The following RGS7 variants were observed in gnomAD, a reference collection of about 807,000 sequenced individuals.
The protein encoded by RGS7 is regulator of G-protein signaling 7.
RGS7 carries 27 observed loss-of-function variants against 81.1 expected under a neutral mutation model. The observed-to-expected ratio is 0.33, with a 90% CI of 0.25 to 0.46. RGS7 has a LOEUF of 0.46. Among genes scored for constraint, RGS7 ranks in the 20% least tolerant of loss-of-function variants. The probability of loss-of-function intolerance (pLI) is 1.00; values close to 1 mark genes in which losing one functional copy is unlikely to be tolerated. For synonymous variants in RGS7, 208 were observed against 207.7 expected (o/e 1.00, Z -0.01); for missense variants, 396 against 607.4 (o/e 0.65, Z 3.66).
chr1:241,068,439 G>A (rs1011207712), intron 3 of RGS7, among the ~76,000 whole-genome samples: 10 of 151,368 alleles, frequency 6.6e-5, no homozygotes, highest in African/African-American at 2.4e-4. Flanking sequence ...TCTTCTATCA[G>A]CAGTCAGGTA....
intron 4 of RGS7, among the ~76,000 whole-genome samples, chr1:240,947,077 C>G (rs760230697): frequency 9.2e-5 from 14 of 152,058 alleles, no homozygotes; most frequent in Non-Finnish European, 1.6e-4. Flanking sequence ...ATGTCTGGAG[C>G]CTCAGTGGAT....
rs1301574994 is a variant in RGS7 at position 241,163,788 on chromosome 1, A to T, written c.79-65026T>A. On this transcript the variant is annotated intron_variant, in intron 2 of 18. Coordinates refer to ENST00000440928, the MANE Select transcript of RGS7 (RefSeq NM_001364886.1). This position sits in a 1 kb window ranked among gnomAD's most constrained non-coding sequence, Gnocchi z 4.6. ...TCCCCCATGCACATGTTATCTATGA[A>T]CAGAAGGACAAGTTAGTTACCCTCT... Among the ~76,000 whole-genome samples the T allele has an allele frequency of 6.7e-6, 1 of 148,874 alleles. No individual in the cohort carries two copies. The highest frequency in any genetic ancestry group is 1.5e-5 in the Non-Finnish European group (1 of 67,986).
chr1:240,820,388 C>T (rs554713831), intron 10 of RGS7, among the ~76,000 whole-genome samples: 1 of 152,220 alleles, frequency 6.6e-6, no homozygotes, highest in African/African-American at 2.4e-5. Context: ...ATAGATTCGG[C>T]CTCCTACATA....
chr1:241,327,088 A>AG (rs577804423), intron 2 of RGS7, among the ~76,000 whole-genome samples: 1 of 39,814 alleles, frequency 2.5e-5, no homozygotes, highest in African/African-American at 1.2e-4. Flanking sequence ...AAGAGAAAGA[A>AG]AGAAAGAAAG....
At chr1:240,835,958 C>T (rs367967862) in intron 9 of RGS7, among the ~76,000 whole-genome samples, 8 of 151,938 alleles carry the variant, frequency 5.3e-5, no homozygotes, top group Admixed American at 6.6e-5. Flanking sequence ...AGGCCCAGCA[C>T]GGAGAAATTT....
chr1:241,058,927 T>C (rs1269797617), intron 3 of RGS7, among the ~76,000 whole-genome samples: 1 of 152,224 alleles, frequency 6.6e-6, no homozygotes, highest in Non-Finnish European at 1.5e-5. Flanking sequence ...GCTCCTCAAC[T>C]TAATGCAATC....
chr1:241,071,771 G>T (rs1224720780), intron 3 of RGS7, among the ~76,000 whole-genome samples: 1 of 150,044 alleles, frequency 6.7e-6, no homozygotes, highest in Non-Finnish European at 1.5e-5. Flanking sequence ...CTACTTGGGA[G>T]GCTGAGATGG....
intron 2 of RGS7, among the ~76,000 whole-genome samples, chr1:241,283,646 T>C (rs2148412040): frequency 6.6e-6 from 1 of 152,316 alleles, no homozygotes; most frequent in East Asian, 1.9e-4. Context: ...GCTTCTTGAA[T>C]CTGTAGGTTT....
At chr1:241,197,620 T>C (rs2073173960) in intron 2 of RGS7, among the ~76,000 whole-genome samples, 1 of 151,946 alleles carries the variant, frequency 6.6e-6, no homozygotes, top group Non-Finnish European at 1.5e-5. Context: ...TAAAGATCAC[T>C]TTCCATAATG....
intron 6 of RGS7, among the ~76,000 whole-genome samples, chr1:240,913,988 T>C (rs1252756506): frequency 6.6e-6 from 1 of 152,020 alleles, no homozygotes; most frequent in Non-Finnish European, 1.5e-5. Context: ...TGTATACATG[T>C]GCCATGCTGG....
At chr1:240,816,192 C>A (rs1558297367) in intron 11 of RGS7, 125 bp downstream of exon 11, 1 of 729,210 alleles carries the variant, frequency 1.4e-6, no homozygotes, top group Admixed American at 1.9e-5. Flanking sequence ...AACTGCAAAT[C>A]TTCCACATGA....
At chr1:241,346,227 T>C (rs1028301609) in intron 2 of RGS7, among the ~76,000 whole-genome samples, 1 of 152,144 alleles carries the variant, frequency 6.6e-6, no homozygotes, top group African/African-American at 2.4e-5. Flanking sequence ...ATAAATAATT[T>C]ATATCAGTCA....
intron 2 of RGS7, among the ~76,000 whole-genome samples, chr1:241,204,710 A>G (rs918544380): frequency 1.3e-5 from 2 of 152,056 alleles, no homozygotes; most frequent in African/African-American, 4.8e-5. Context: ...TCTGCAAAAA[A>G]AAAAAAGAAT....
chr1:240,793,549 T>C (rs1342445), intron 18 of RGS7, among the ~76,000 whole-genome samples: 97,390 of 142,106 alleles, frequency 0.69, 33,822 homozygotes, highest in African/African-American at 0.72. Flanking sequence ...AACTCAATGG[T>C]CAGTTTATAA....
chr1:241,041,742 CCATTA>C (rs2060629868), intron 3 of RGS7, among the ~76,000 whole-genome samples: 1 of 152,108 alleles, frequency 6.6e-6, no homozygotes, highest in African/African-American at 2.4e-5. Flanking sequence ...CTCAAGTTAC[CCATTA>C]CATTTAGGAC....
intron 9 of RGS7, among the ~76,000 whole-genome samples, chr1:240,854,754 CT>C (rs1660761654): frequency 6.6e-6 from 1 of 152,216 alleles, no homozygotes; most frequent in Admixed American, 6.5e-5. Flanking sequence ...TCTAACTTCT[CT>C]GCCTTAAGCT....
At chr1:241,129,313 T>C (rs1420479460) in intron 2 of RGS7, among the ~76,000 whole-genome samples, 1 of 152,162 alleles carries the variant, frequency 6.6e-6, no homozygotes, top group Non-Finnish European at 1.5e-5. Flanking sequence ...TAAAAGGTTT[T>C]TTGTTTGTTT....
At chr1:240,993,174 A>G (rs1344663401) in intron 3 of RGS7, among the ~76,000 whole-genome samples, 3 of 150,898 alleles carry the variant, frequency 2.0e-5, no homozygotes, top group Admixed American at 6.6e-5. Flanking sequence ...GGAGGGAAAG[A>G]AAGAAGGAAA....
chr1:240,874,935 G>A (rs1246759579), intron 6 of RGS7, among the ~76,000 whole-genome samples: 8 of 151,626 alleles, frequency 5.3e-5, no homozygotes, highest in East Asian at 3.9e-4. Context: ...TCAGCTACTC[G>A]GGAGGCTGAG....
Sources: gnomAD v4.1 joint callset for allele counts (sites outside exome capture counted in the v4.1 genomes callset) on GRCh38, gnomAD v4.1.1 for gene constraint, Gnocchi (gnomAD v3.1) non-coding constraint, MANE v1.5 for transcripts, NCBI Gene and HGNC (gene_info 2026-07-23, HGNC 2026-07-21) for gene names.